The following TTC9 variants were observed in gnomAD, a reference collection of about 807,000 sequenced individuals.
TTC9 encodes the protein tetratricopeptide repeat protein 9A.
Under a neutral mutation model 22.9 loss-of-function variants are expected in TTC9, and 13 were observed. That is an observed-to-expected ratio of 0.57 (90% confidence interval 0.37 to 0.90). TTC9 has a LOEUF of 0.90. Among genes scored for constraint, TTC9 ranks in the 40% least tolerant of loss-of-function variants. TTC9 has a pLI of 0.01. For missense variants in TTC9, 280 were observed against 291.8 expected (o/e 0.96, Z 0.29); for synonymous variants, 148 against 133.2 (o/e 1.11, Z -0.77).
intron 1 of TTC9, among the ~76,000 whole-genome samples, chr14:70,656,403 TAACTA>T (rs1392908730): frequency 6.6e-6 from 1 of 152,246 alleles, no homozygotes; most frequent in African/African-American, 2.4e-5. Flanking sequence ...ATTATTTATT[TAACTA>T]ATCTACTGAT....
chr14:70,659,212 T>C (rs1275065319), intron 1 of TTC9, among the ~76,000 whole-genome samples: 1 of 151,922 alleles, frequency 6.6e-6, no homozygotes, highest in Non-Finnish European at 1.5e-5. Context: ...CTGTGGATTC[T>C]ATCAGTGTCA....
Position 70,642,525 on chromosome 14 carries a change from C to G in TTC9, c.396C>G (p.Asn132Lys), listed in dbSNP as rs1322564799. The G allele has an allele frequency of 6.5e-7, 1 of 1,538,420 alleles. No individual in the cohort carries two copies. Among genetic ancestry groups the G allele is most frequent in the Non-Finnish European group, 8.8e-7 (1 of 1,141,330 alleles). Reference sequence around the variant, plus strand: ...AAGCCATCGAGATCGACTGTTACAACAGCCTGGCAGGTGAGCCGCGCCGCG... The same window carrying G: ...AAGCCATCGAGATCGACTGTTACAAGAGCCTGGCAGGTGAGCCGCGCCGCG... ...TVEAIEIDCYNSLAACLLQAE... is the reference protein window; with the variant it reads ...TVEAIEIDCYKSLAACLLQAE... Residue 132 changes from asparagine to lysine, a missense_variant, in exon 1 of 3, where the codon AAC becomes AAG. This residue lies in a region of TTC9 where 165 missense variants were observed against 145.4 expected (regional missense o/e 1.14). Coordinates refer to ENST00000256367, the MANE Select transcript of TTC9 (RefSeq NM_015351.2).
intron 1 of TTC9, among the ~76,000 whole-genome samples, chr14:70,665,287 G>A (rs1173240402): frequency 6.6e-6 from 1 of 152,052 alleles, no homozygotes; most frequent in Admixed American, 6.5e-5. Context: ...GCAGGTGCTG[G>A]AGCCAAGTCA....
Position 70,641,970 on chromosome 14 carries a change from T to G in TTC9, c.-160T>G. On this transcript the variant is annotated 5_prime_UTR_variant, in exon 1 of 3. An upstream start codon of the reference 5' UTR is lost. Coordinates refer to ENST00000256367, the MANE Select transcript of TTC9 (RefSeq NM_015351.2). ...CAGCCTCTGGCAGCAGCGGGGAGAA[T>G]GGGAGTGCGGGGCGCCAGACCGCCG... 5.4e-5 allele frequency: 15 copies of G among 278,688 alleles called. No homozygotes were observed. The highest frequency in any genetic ancestry group is 6.4e-5 in the Non-Finnish European group (12 of 186,332). The allele number at this position is 278,688 out of a possible 1,614,324, so 17.3% of individuals were successfully genotyped here. A position where few individuals can be genotyped will look rare whatever the true frequency, so the allele number is the denominator to read the frequency against.
At chr14:70,653,978 T>G (rs1445461321) in intron 1 of TTC9, among the ~76,000 whole-genome samples, 1 of 152,134 alleles carries the variant, frequency 6.6e-6, no homozygotes, top group Admixed American at 6.5e-5. Context: ...CCCACCCTCT[T>G]GTGCATCAGG....
Position 70,642,455 on chromosome 14 carries a change from C to A in TTC9, c.326C>A (p.Ala109Asp). The A allele has an allele frequency of 6.4e-7, 1 of 1,556,726 alleles. No individual in the cohort carries two copies. Among genetic ancestry groups the A allele is most frequent in the Non-Finnish European group, 8.7e-7 (1 of 1,151,876 alleles). The change falls in exon 1 of 3, where the codon GCC becomes GAC. Residue 109 changes from alanine (A) to aspartate (D), a missense_variant. By Grantham distance (126) the Ala-to-Asp change is moderately radical. This residue lies in a region of TTC9 where 165 missense variants were observed against 145.4 expected (regional missense o/e 1.14). Coordinates refer to ENST00000256367, the MANE Select transcript of TTC9 (RefSeq NM_015351.2). ...TCGCGCCCGGCCTCCCCGGCTGGGG[C>A]CCTGAAGCCCGGCCGCCTCTCGGAG... ...RDSRPASPAG[A>D]LKPGRLSEEQ...
At chr14:70,651,013 T>C (rs530313625) in intron 1 of TTC9, among the ~76,000 whole-genome samples, 2 of 152,298 alleles carry the variant, frequency 1.3e-5, no homozygotes, top group South Asian at 4.1e-4. Flanking sequence ...ATAGTCTCAT[T>C]CTGTCACCCA....
At chr14:70,659,132 GCACACACA>G (rs71105721) in intron 1 of TTC9, among the ~76,000 whole-genome samples, 3 of 144,328 alleles carry the variant, frequency 2.1e-5, no homozygotes, top group African/African-American at 7.8e-5. Context: ...ACACACACAC[GCACACACA>G]CACACACACA....
In TTC9 at chr14:70,641,944, G is replaced by A. The variant is rs980044516; in HGVS notation, c.-186G>A. 4 of 238,918 alleles carry A rather than the reference G, an allele frequency of 1.7e-5. No individual in the cohort carries two copies. The highest frequency in any genetic ancestry group is 4.7e-5 in the African/African-American group (2 of 42,434). 14.8% of individuals were successfully genotyped at this position (238,918 alleles called of 1,614,324 possible). ...CGAGGCGGCGGCGGCGGCGGCTGGA[G>A]CAGCCTCTGGCAGCAGCGGGGAGAA... On this transcript the variant is annotated 5_prime_UTR_variant, in exon 1 of 3. Coordinates refer to ENST00000256367, the MANE Select transcript of TTC9 (RefSeq NM_015351.2).
At chr14:70,669,311 G>A (rs1025224211) in intron 2 of TTC9, among the ~76,000 whole-genome samples, 9 of 151,690 alleles carry the variant, frequency 5.9e-5, no homozygotes, top group Non-Finnish European at 8.8e-5. Context: ...ACAGAGTCTC[G>A]CTCTGTCGCC....
chr14:70,663,709 G>A (rs1050274445), intron 1 of TTC9, among the ~76,000 whole-genome samples: 5 of 151,648 alleles, frequency 3.3e-5, no homozygotes, highest in South Asian at 4.2e-4. Context: ...CCCCAGGTGG[G>A]TGGGGGGGCG....
At position 70,667,665 on chromosome 14, in the gene TTC9, T is replaced by A. The variant is rs749176613; in HGVS notation, c.508T>A (p.Ser170Thr). Residue 170 changes from serine (S) to threonine (T), a missense_variant, in exon 2 of 3, where the codon TCT (serine) becomes ACT (threonine). Around this residue, in one of 5 missense-constraint regions of TTC9, gnomAD observed 39 missense variants for 67.4 expected, o/e 0.58. Transcript: ENST00000256367. ...EGENFKALYRSGVAFYHLGDY... is the reference protein window; with the variant it reads ...EGENFKALYRTGVAFYHLGDY... ...GGAGAACTTCAAGGCCCTTTACCGG[T>A]CTGGTGTGGCCTTCTACCACCTTGG... The A allele has an allele frequency of 5.6e-6, 9 of 1,613,850 alleles. No individual in the cohort carries two copies. The highest frequency in any genetic ancestry group is 7.6e-6 in the Non-Finnish European group (9 of 1,179,890).
chr14:70,653,749 G>A (rs1886018586), intron 1 of TTC9, among the ~76,000 whole-genome samples: 1 of 152,146 alleles, frequency 6.6e-6, no homozygotes, highest in Non-Finnish European at 1.5e-5. Flanking sequence ...AAGAACTTCA[G>A]GCACTCTCAC....
At chr14:70,669,335 A>G (rs1469107735) in intron 2 of TTC9, among the ~76,000 whole-genome samples, 1 of 152,016 alleles carries the variant, frequency 6.6e-6, no homozygotes, top group Non-Finnish European at 1.5e-5. Flanking sequence ...GCTGGAGTGC[A>G]GTGGTGTGAT....
intron 1 of TTC9, among the ~76,000 whole-genome samples, chr14:70,647,944 T>G (rs1011160559): frequency 6.6e-6 from 1 of 152,146 alleles, no homozygotes; most frequent in African/African-American, 2.4e-5. Flanking sequence ...CAAAATTGGA[T>G]ACAGACTCTA....
Position 70,667,549 on chromosome 14 carries a change from T to G in TTC9, c.407-15T>G. The G allele has an allele frequency of 6.2e-7, 1 of 1,613,674 alleles. No homozygotes were observed. The highest frequency in any genetic ancestry group is 8.5e-7 in the Non-Finnish European group (1 of 1,179,880). On this transcript the variant is annotated splice_polypyrimidine_tract_variant and intron_variant, in intron 1 of 2. Coordinates refer to ENST00000256367, the MANE Select transcript of TTC9 (RefSeq NM_015351.2). ...ACTGTTGTGCTGATGGCATTTTCCCTCCCTTCCTCCATAGCCTGCCTGCTC... is the reference window on the plus strand; with the variant it reads ...ACTGTTGTGCTGATGGCATTTTCCCGCCCTTCCTCCATAGCCTGCCTGCTC...
chr14:70,642,415 G>T lies in TTC9; in HGVS notation c.286G>T (p.Glu96Ter). The change falls in exon 1 of 3, where the codon GAA (glutamate) becomes TAA (stop). Residue 96 changes from glutamate (E) to a stop codon, truncating the protein, a stop_gained. Transcript: ENST00000256367. LOFTEE classifies it high-confidence loss of function. ...GAAGGGGCTGCTGCCGCCCCCCGGG[G>T]AACGGGAGCGGGACTCGCGCCCGGC... ...ELKGLLPPPG[E>*]RERDSRPASP... 1 of 1,594,416 alleles carries T rather than the reference G, an allele frequency of 6.3e-7. No homozygotes were observed. Among genetic ancestry groups the T allele is most frequent in the Non-Finnish European group, 8.5e-7 (1 of 1,171,840 alleles).
chr14:70,660,148 C>G (rs1217283269), intron 1 of TTC9, among the ~76,000 whole-genome samples: 2 of 152,208 alleles, frequency 1.3e-5, no homozygotes, highest in African/African-American at 4.8e-5. Flanking sequence ...CTCCTTTTCC[C>G]CATCTCCTTG....
chr14:70,642,365 A>G lies in TTC9; in HGVS notation c.236A>G (p.Lys79Arg), dbSNP rs1220301678. The stretch of plus-strand genomic sequence containing the variant: ...AAGAAATTCCGTGAAGCCATAGGCA[A>G]ATACCACCGGGCGTTGCTGGAGCTG... ...KDKKFREAIG[K>R]YHRALLELKG... The change falls in exon 1 of 3, where the codon AAA becomes AGA. Residue 79 changes from lysine to arginine, a missense_variant. Physicochemically the swap from Lys to Arg is conservative, Grantham distance 26. Around this residue, in one of 5 missense-constraint regions of TTC9, gnomAD observed 165 missense variants for 145.4 expected, o/e 1.14. Coordinates refer to ENST00000256367, the MANE Select transcript of TTC9 (RefSeq NM_015351.2). 2 of 1,605,462 alleles carry G rather than the reference A, an allele frequency of 1.2e-6. No individual in the cohort carries two copies. The highest frequency in any genetic ancestry group is 1.1e-5 in the South Asian group (1 of 89,584).
Sources: gnomAD v4.1 joint callset for allele counts (sites outside exome capture counted in the v4.1 genomes callset) on GRCh38, gnomAD v4.1.1 for gene constraint, gnomAD v4.1.1 regional missense constraint, MANE v1.5 for transcripts, NCBI Gene and HGNC (gene_info 2026-07-23, HGNC 2026-07-21) for gene names.